The following IL1RAPL2 variants were observed in gnomAD, a reference collection of about 807,000 sequenced individuals.
IL1RAPL2 encodes interleukin 1 receptor accessory protein like 2.
A neutral mutation model predicts 44.1 loss-of-function variants in IL1RAPL2; 3 were observed. That is an observed-to-expected ratio of 0.07 (90% CI 0.03 to 0.18). The LOEUF (loss-of-function observed/expected upper bound fraction) is 0.18. Ranked by LOEUF, IL1RAPL2 falls within the 10% of genes least tolerant of loss-of-function variation. The probability of loss-of-function intolerance (pLI) is 1.00; values close to 1 mark genes in which losing one functional copy is unlikely to be tolerated. For synonymous variants in IL1RAPL2, 181 were observed against 178.8 expected (o/e 1.01, Z -0.10); for missense variants, 391 against 496.4 (o/e 0.79, Z 2.02).
intron 6 of IL1RAPL2, among the ~76,000 whole-genome samples, chrX:105,489,758 C>T (rs867241753): frequency 1.7e-4 from 16 of 94,093 alleles, no homozygotes; most frequent in African/African-American, 6.6e-4. Context: ...TTCTTTCTTT[C>T]TCTTTCTTTC....
chrX:104,971,198 A>G lies in IL1RAPL2; in HGVS notation c.83-224277A>G, dbSNP rs188472492. On this transcript the variant is annotated intron_variant, in intron 2 of 10. Coordinates refer to ENST00000372582, the MANE Select transcript of IL1RAPL2 (RefSeq NM_017416.2). ...CCCCATCTCTACTAAAAATACAAAA[A>G]TTAGCCGGGCGTGGTGAGGCAGGCC... Among the ~76,000 whole-genome samples the G allele has an allele frequency of 1.7e-3, 183 of 109,966 alleles. No homozygotes were observed. The East Asian group carries it at 0.042, about 25-fold the overall frequency.
chrX:104,995,054 AG>A (rs1250531372), intron 2 of IL1RAPL2, among the ~76,000 whole-genome samples: 1 of 111,076 alleles, frequency 9.0e-6, no homozygotes, highest in African/African-American at 3.3e-5. Flanking sequence ...CTCCTCAGAG[AG>A]GCCTTCCCTG....
chrX:105,762,678 G>GT (rs2038697348), intron 10 of IL1RAPL2, among the ~76,000 whole-genome samples: 1 of 111,438 alleles, frequency 9.0e-6, no homozygotes, highest in Non-Finnish European at 1.9e-5. Context: ...GCCCCTTTTG[G>GT]TCTTTTCTGT....
chrX:105,209,869 A>G (rs2033794258), intron 3 of IL1RAPL2, among the ~76,000 whole-genome samples: 3 of 111,757 alleles, frequency 2.7e-5, no homozygotes, highest in Non-Finnish European at 3.8e-5. Context: ...GTACGACCAG[A>G]GAGATAAGTG....
chrX:104,678,742 T>A (rs959145196), intron 2 of IL1RAPL2, among the ~76,000 whole-genome samples: 7 of 111,522 alleles, frequency 6.3e-5, no homozygotes, highest in Non-Finnish European at 1.3e-4. Flanking sequence ...TTCCCACTTA[T>A]GAGTGAGAAC....
chrX:105,019,981 C>A (rs992366042), intron 2 of IL1RAPL2, among the ~76,000 whole-genome samples: 1 of 110,437 alleles, frequency 9.1e-6, no homozygotes, highest in African/African-American at 3.3e-5. Flanking sequence ...ATGTGTGGCC[C>A]TAGGAACTGA....
chrX:105,323,516 G>T lies in IL1RAPL2; in HGVS notation c.697+55975G>T, dbSNP rs2034911889. ...AAATTTTGGACCTTCTGGCTAGGTTGTAAGCAACTTGAGAGACAGGAATCA... is the reference window on the plus strand; with the variant it reads ...AAATTTTGGACCTTCTGGCTAGGTTTTAAGCAACTTGAGAGACAGGAATCA... On this transcript the variant is annotated intron_variant, in intron 5 of 10. Transcript: ENST00000372582. Among the ~76,000 whole-genome samples the T allele has an allele frequency of 2.7e-5, 3 of 111,592 alleles. No individual in the cohort carries two copies. In the South Asian group the frequency reaches 1.1e-3, roughly 42 times the overall value.
chrX:105,276,820 G>A (rs1193403445), intron 5 of IL1RAPL2, among the ~76,000 whole-genome samples: 5 of 111,763 alleles, frequency 4.5e-5, no homozygotes, highest in Admixed American at 3.8e-4. Context: ...CTCTAGCAGT[G>A]AGTGGAAAAA....
At chrX:105,662,986 C>T in intron 6 of IL1RAPL2, among the ~76,000 whole-genome samples, 1 of 112,274 alleles carries the variant, frequency 8.9e-6, no homozygotes, top group Middle Eastern at 4.6e-3. Flanking sequence ...ACAGGATATT[C>T]ATAGGTTTAA....
chrX:105,667,954 A>C (rs1363947410), intron 6 of IL1RAPL2, among the ~76,000 whole-genome samples: 1 of 109,520 alleles, frequency 9.1e-6, no homozygotes, highest in Non-Finnish European at 1.9e-5. Context: ...ATAATAACAT[A>C]TATGGTGATT....
intron 6 of IL1RAPL2, among the ~76,000 whole-genome samples, chrX:105,640,295 G>A (rs1345816276): frequency 9.1e-6 from 1 of 109,382 alleles, no homozygotes; most frequent in Non-Finnish European, 1.9e-5. Flanking sequence ...ACCATCAGCA[G>A]GGACCAGTCA....
intron 6 of IL1RAPL2, among the ~76,000 whole-genome samples, chrX:105,686,622 T>G (rs149541108): frequency 1.8e-5 from 2 of 110,419 alleles, no homozygotes; most frequent in Non-Finnish European, 3.8e-5. Flanking sequence ...ACAATAATAA[T>G]GGGAGACTTT....
intron 2 of IL1RAPL2, among the ~76,000 whole-genome samples, chrX:105,084,367 A>G (rs894406559): frequency 8.9e-6 from 1 of 112,804 alleles, no homozygotes; most frequent in Admixed American, 9.3e-5. Context: ...CCACCTTGCA[A>G]AGCCACTGGG....
At chrX:105,641,015 G>A (rs1184711279) in intron 6 of IL1RAPL2, among the ~76,000 whole-genome samples, 1 of 109,395 alleles carries the variant, frequency 9.1e-6, no homozygotes, top group Non-Finnish European at 1.9e-5. Context: ...ATTGAAAGTA[G>A]ATGGTAAACA....
At chrX:105,511,963 G>A (rs1263173480) in intron 6 of IL1RAPL2, among the ~76,000 whole-genome samples, 1 of 91,300 alleles carries the variant, frequency 1.1e-5, no homozygotes, top group African/African-American at 8.7e-5. Context: ...ATACCTAAGA[G>A]AGACTAAAAA....
intron 1 of IL1RAPL2, among the ~76,000 whole-genome samples, chrX:104,591,531 G>A (rs1297380737): frequency 9.0e-6 from 1 of 110,956 alleles, no homozygotes; most frequent in Non-Finnish European, 1.9e-5. Context: ...GTGACAGTTT[G>A]CAGTCATGAA....
intron 5 of IL1RAPL2, among the ~76,000 whole-genome samples, chrX:105,482,291 TATTC>T (rs1439796831): frequency 8.9e-6 from 1 of 111,838 alleles, no homozygotes; most frequent in Non-Finnish European, 1.9e-5. Context: ...AATTCAAACA[TATTC>T]ATTTTTTTTA....
chrX:105,358,344 T>A (rs1350613941), intron 5 of IL1RAPL2, among the ~76,000 whole-genome samples: 1 of 93,414 alleles, frequency 1.1e-5, no homozygotes, highest in Non-Finnish European at 2.1e-5. Flanking sequence ...AAAATTGCAT[T>A]GTTAAAAAGT....
At chrX:104,729,447 C>CTTTTTTTTT (rs5903245) in intron 2 of IL1RAPL2, among the ~76,000 whole-genome samples, 3 of 46,481 alleles carry the variant, frequency 6.5e-5, no homozygotes, top group Non-Finnish European at 1.2e-4. Flanking sequence ...GGCCTGCTGC[C>CTTTTTTTTT]TTTTTTTTTT....
Sources: allele counts gnomAD v4.1 joint callset (sites outside exome capture counted in the v4.1 genomes callset), GRCh38; gene constraint gnomAD v4.1.1; transcripts MANE v1.5; gene names NCBI Gene and HGNC (gene_info 2026-07-23, HGNC 2026-07-21).